Variants in MEGF6 observed in about 807,000 individuals in gnomAD.
The protein encoded by MEGF6 is multiple EGF like domains 6, also known as multiple epidermal growth factor-like domains protein 6.
A neutral mutation model predicts 207.1 loss-of-function variants in MEGF6; 184 were observed. That is an observed-to-expected ratio of 0.89 (90% CI 0.79 to 1.00). MEGF6 has a LOEUF of 1.00. Ranked by LOEUF, MEGF6 falls within the 50% of genes least tolerant of loss-of-function variation. The probability of loss-of-function intolerance (pLI) is 0.00; values close to 1 mark genes in which losing one functional copy is unlikely to be tolerated. For synonymous variants in MEGF6, 1,038 were observed against 910.0 expected, an observed-to-expected ratio of 1.14 and a Z score of -2.53; for missense variants, 2,282 against 2,202.9, an observed-to-expected ratio of 1.04 and a Z score of -0.72.
In MEGF6 at chr1:3,554,115, G is replaced by C. The variant is rs1280251374; in HGVS notation, c.481+25710C>G. Among the ~76,000 whole-genome samples, 5 of 152,258 alleles carry C rather than the reference G, an allele frequency of 3.3e-5. No homozygotes were observed. The East Asian group carries it at 9.7e-4, about 30-fold the overall frequency. Reference sequence around the variant, plus strand: ...GCGCCTGCTTCCAGAACGCCTGCTTGGGGTGGGGAAGAGCACATGCGCCCC... The same window carrying C: ...GCGCCTGCTTCCAGAACGCCTGCTTCGGGTGGGGAAGAGCACATGCGCCCC... On this transcript the variant is annotated intron_variant, in intron 4 of 36. Transcript: ENST00000356575.
chr1:3,499,564 G>A (rs747019547), intron 23 of MEGF6, 24 bp downstream of exon 23: 134 of 1,562,664 alleles, frequency 8.6e-5, no homozygotes, highest in Middle Eastern at 2.0e-4. Flanking sequence ...GCAGCACCCC[G>A]GGCTGAGCAG....
intron 4 of MEGF6, among the ~76,000 whole-genome samples, chr1:3,550,626 C>T (rs150697478): frequency 3.5e-4 from 53 of 152,340 alleles, no homozygotes; most frequent in Non-Finnish European, 7.4e-4. Flanking sequence ...AAGAAGCGGT[C>T]GTGCCCAGGC....
In MEGF6 at chr1:3,494,758, G is replaced by A; in HGVS notation, c.3872-17C>T. On this transcript the variant is annotated splice_polypyrimidine_tract_variant and intron_variant, in intron 30 of 36. Transcript: ENST00000356575. ...GGGGGCAGCCTGGAGACAGAAGGCA[G>A]GTGCTGCCTGGAGCTCTGGCCGAGG... 2 of 1,555,960 alleles carry A rather than the reference G, an allele frequency of 1.3e-6. No homozygotes were observed. The highest frequency in any genetic ancestry group is 2.3e-5 in the East Asian group (1 of 42,984).
chr1:3,582,979 G>T (rs1347173323), intron 3 of MEGF6, among the ~76,000 whole-genome samples: 1 of 152,124 alleles, frequency 6.6e-6, no homozygotes, highest in Admixed American at 6.5e-5. Flanking sequence ...GTTCCGACAC[G>T]CAGGTGCACC....
intron 4 of MEGF6, among the ~76,000 whole-genome samples, chr1:3,543,930 G>A (rs897194457): frequency 1.5e-4 from 23 of 152,326 alleles, no homozygotes; most frequent in Non-Finnish European, 2.5e-4. Context: ...CCCTGGAGGG[G>A]CATAAACACG....
chr1:3,586,180 G>A (rs1201031335), intron 3 of MEGF6, among the ~76,000 whole-genome samples: 1 of 150,796 alleles, frequency 6.6e-6, no homozygotes, highest in Non-Finnish European at 1.5e-5. Context: ...GTGTGTGGGT[G>A]TGAGTGTGGA....
At chr1:3,593,289 G>A (rs1644008556) in intron 3 of MEGF6, among the ~76,000 whole-genome samples, 1 of 152,176 alleles carries the variant, frequency 6.6e-6, no homozygotes, top group Admixed American at 6.5e-5. Flanking sequence ...CTGACTCTGA[G>A]ACAGTTACTG....
At position 3,499,627 on chromosome 1, in the gene MEGF6, G is replaced by A; in HGVS notation, c.2926C>T (p.Leu976Phe). 6.3e-7 allele frequency: 1 copy of A among 1,590,506 alleles called. No homozygotes were observed. The highest frequency in any genetic ancestry group is 8.6e-7 in the Non-Finnish European group (1 of 1,169,564). ...GGGCCCCGGCGGCCAGCGGGGCAGA[G>A]GCAGGAGCCATTCACGGCATCACAG... ...AACDAVNGSC[L>F]CPAGRRGPRC... is the part of the protein sequence containing the mutation. The change falls in exon 23 of 37, where the codon CTC becomes TTC. Residue 976 changes from leucine (L) to phenylalanine (F), a missense_variant. By Grantham distance (22) the Leu-to-Phe change is conservative. Transcript: ENST00000356575.
At chr1:3,497,501 C>T (rs1238069253) in intron 26 of MEGF6, 140 bp from the exon 27 acceptor site, 2 of 1,164,692 alleles carry the variant, frequency 1.7e-6, no homozygotes, top group African/African-American at 1.6e-5. Context: ...CATTCTCACA[C>T]CTGGAGCCCC....
rs887537718 is a variant in MEGF6 at position 3,490,838 on chromosome 1, C to T, written c.4564+74G>A. 5 of 1,520,996 alleles carry T rather than the reference C, an allele frequency of 3.3e-6. No individual in the cohort carries two copies. In the African/African-American group the frequency reaches 5.5e-5, roughly 17 times the overall value. 94.2% of individuals were successfully genotyped at this position (1,520,996 alleles called of 1,614,324 possible). On this transcript the variant is annotated intron_variant, in intron 36 of 36. Transcript: ENST00000356575. Reference sequence around the variant, plus strand: ...GCTGCCCTGTGGGGCCCAGATTATACTTAAGCACTCTTCGTTGACTTTGCC... The same window carrying T: ...GCTGCCCTGTGGGGCCCAGATTATATTTAAGCACTCTTCGTTGACTTTGCC...
At position 3,560,308 on chromosome 1, in the gene MEGF6, T is replaced by C. The variant is rs975710223; in HGVS notation, c.481+19517A>G. ...AGCGGACGAGCCCACGTTGACACATTGTTGTTAACTGAGTCCAGGGTTCCT... is the reference window on the plus strand; with the variant it reads ...AGCGGACGAGCCCACGTTGACACATCGTTGTTAACTGAGTCCAGGGTTCCT... On this transcript the variant is annotated intron_variant, in intron 4 of 36. Transcript: ENST00000356575. This position sits in a 1 kb window ranked among gnomAD's most constrained non-coding sequence, Gnocchi z 4.0. 1.3e-5 allele frequency among the ~76,000 whole-genome samples: 2 copies of C among 152,154 alleles called. No individual in the cohort carries two copies. Among genetic ancestry groups the C allele is most frequent in the Non-Finnish European group, 2.9e-5 (2 of 68,006 alleles).
chr1:3,556,132 G>A lies in MEGF6; in HGVS notation c.481+23693C>T, dbSNP rs1009399886. On this transcript the variant is annotated intron_variant, in intron 4 of 36. Transcript: ENST00000356575. This position sits in a 1 kb window ranked among gnomAD's most constrained non-coding sequence, Gnocchi z 4.4. The stretch of plus-strand genomic sequence containing the variant: ...CCTGTTACAGCAGGAGTGGCCTTCC[G>A]TGGCCCAGGTGCTAAGTGAACCACG... Among the ~76,000 whole-genome samples the A allele has an allele frequency of 1.2e-4, 18 of 152,208 alleles. No individual in the cohort carries two copies. Among genetic ancestry groups the A allele is most frequent in the Non-Finnish European group, 1.6e-4 (11 of 68,040 alleles).
intron 4 of MEGF6, among the ~76,000 whole-genome samples, chr1:3,576,876 CGCACACCTGGCCCTGCACACTCCACCCCT>C (rs769631747): frequency 3.6e-4 from 47 of 129,160 alleles, no homozygotes; most frequent in Non-Finnish European, 6.0e-4. Context: ...ACTCCACCCC[CGCACACCTGGCCCTGCACACTCCACCCCT>C]GCACACCTGG....
intron 4 of MEGF6, among the ~76,000 whole-genome samples, chr1:3,550,530 AT>A (rs1642851696): frequency 6.6e-6 from 1 of 152,220 alleles, no homozygotes; most frequent in Non-Finnish European, 1.5e-5. Context: ...TGCAATGTGA[AT>A]TTCACCTTCA....
At chr1:3,568,549 C>A (rs1227221593) in intron 4 of MEGF6, among the ~76,000 whole-genome samples, 1 of 152,088 alleles carries the variant, frequency 6.6e-6, no homozygotes, top group Non-Finnish European at 1.5e-5. Flanking sequence ...GCACCCCAAG[C>A]AGCTCTCCCC....
At chr1:3,541,014 A>G (rs1334367305) in intron 4 of MEGF6, among the ~76,000 whole-genome samples, 3 of 152,186 alleles carry the variant, frequency 2.0e-5, no homozygotes, top group Non-Finnish European at 4.4e-5. Context: ...GGGAGATGGC[A>G]TCCTGGGGCC....
chr1:3,544,191 C>A (rs1642626322), intron 4 of MEGF6, among the ~76,000 whole-genome samples: 1 of 150,926 alleles, frequency 6.6e-6, no homozygotes, highest in African/African-American at 2.5e-5. Context: ...TCAGGCTAAC[C>A]CTCTCCCCCC....
At position 3,556,565 on chromosome 1, in the gene MEGF6, G is replaced by A. The variant is rs1643036708; in HGVS notation, c.481+23260C>T. Among the ~76,000 whole-genome samples, 1 of 152,142 alleles carries A rather than the reference G, an allele frequency of 6.6e-6. No individual in the cohort carries two copies. Among genetic ancestry groups the A allele is most frequent in the South Asian group, 2.1e-4 (1 of 4,828 alleles). ...GAGTCAGGAGCGGGTCACAGAGGCT[G>A]CAGCAGCGGAACTACCTGCAAATGA... On this transcript the variant is annotated intron_variant, in intron 4 of 36. Coordinates refer to ENST00000356575, the MANE Select transcript of MEGF6 (RefSeq NM_001409.4). The surrounding 1 kb of genome is among the most constrained non-coding windows in gnomAD (Gnocchi z 4.4).
chr1:3,513,502 T>A (rs778075540), intron 7 of MEGF6, among the ~76,000 whole-genome samples: 4 of 147,678 alleles, frequency 2.7e-5, no homozygotes, highest in Non-Finnish European at 6.0e-5. Flanking sequence ...GGTCTTGAAC[T>A]CCTAAACTCA....
Sources: allele counts gnomAD v4.1 joint callset (sites outside exome capture counted in the v4.1 genomes callset), GRCh38; gene constraint gnomAD v4.1.1; non-coding constraint Gnocchi (gnomAD v3.1); transcripts MANE v1.5; gene names NCBI Gene and HGNC (gene_info 2026-07-23, HGNC 2026-07-21).